Variants in LRRTM4 observed in about 807,000 individuals in gnomAD.
The protein encoded by LRRTM4 is leucine-rich repeat transmembrane neuronal protein 4.
Under a neutral mutation model 47.6 loss-of-function variants are expected in LRRTM4, and 25 were observed. The ratio of observed to expected loss-of-function variants is 0.53; its 90% CI spans 0.38 to 0.73. LRRTM4 has a LOEUF of 0.73. LRRTM4 is among the 30% of genes least tolerant of loss of function. The pLI is 0.00. For synonymous variants in LRRTM4, 311 were observed against 269.5 expected (o/e 1.15, Z -1.51); for missense variants, 638 against 713.4 (o/e 0.89, Z 1.20).
chr2:76,910,826 T>C (rs1029698489), intron 3 of LRRTM4, among the ~76,000 whole-genome samples: 1 of 152,192 alleles, frequency 6.6e-6, no homozygotes, highest in Non-Finnish European at 1.5e-5. Flanking sequence ...TTGGAATATA[T>C]CTTGATTATG....
At chr2:76,749,952 C>G (rs1672791924) in intron 3 of LRRTM4, among the ~76,000 whole-genome samples, 2 of 152,170 alleles carry the variant, frequency 1.3e-5, no homozygotes, top group South Asian at 4.1e-4. Flanking sequence ...AAACTATTGA[C>G]TCTCAGCTCT....
chr2:77,088,756 G>A (rs181991173), intron 3 of LRRTM4, among the ~76,000 whole-genome samples: 307 of 152,258 alleles, frequency 2.0e-3, no homozygotes, highest in Admixed American at 9.9e-3. Flanking sequence ...CCTTGAGAAA[G>A]ATCCACCTAC....
chr2:77,299,060 C>A (rs1677051214), intron 3 of LRRTM4, among the ~76,000 whole-genome samples: 1 of 151,976 alleles, frequency 6.6e-6, no homozygotes, highest in South Asian at 2.1e-4. Flanking sequence ...TAAAAATGTT[C>A]TATATTTAAT....
At chr2:77,312,007 G>T (rs1205035099) in intron 3 of LRRTM4, among the ~76,000 whole-genome samples, 1 of 151,856 alleles carries the variant, frequency 6.6e-6, no homozygotes, top group Non-Finnish European at 1.5e-5. Flanking sequence ...TTTCCCTTTT[G>T]TCATCCCTCA....
chr2:76,867,975 CTTA>C (rs1282869675), intron 3 of LRRTM4, among the ~76,000 whole-genome samples: 1 of 152,106 alleles, frequency 6.6e-6, no homozygotes, highest in Admixed American at 6.5e-5. Flanking sequence ...TCTATGAGAA[CTTA>C]TTATTGATTC....
chr2:76,982,757 A>G (rs1676655419), intron 3 of LRRTM4, among the ~76,000 whole-genome samples: 1 of 152,116 alleles, frequency 6.6e-6, no homozygotes, highest in Admixed American at 6.6e-5. Flanking sequence ...AATTAATAAA[A>G]GCCGATGTTA....
intron 3 of LRRTM4, among the ~76,000 whole-genome samples, chr2:76,888,700 T>C (rs1349734424): frequency 6.6e-6 from 1 of 151,838 alleles, no homozygotes; most frequent in Non-Finnish European, 1.5e-5. Flanking sequence ...GGACCACTGC[T>C]TTCGTTGCCT....
intron 3 of LRRTM4, among the ~76,000 whole-genome samples, chr2:77,427,182 T>C (rs1353939533): frequency 6.6e-6 from 1 of 152,172 alleles, no homozygotes; most frequent in Non-Finnish European, 1.5e-5. Flanking sequence ...TTTCATCATG[T>C]TGATCAGGAT....
chr2:77,270,646 C>T (rs7574040), intron 3 of LRRTM4, among the ~76,000 whole-genome samples: 7,977 of 152,228 alleles, frequency 0.052, 657 homozygotes, highest in African/African-American at 0.18. Flanking sequence ...TATCCTCACC[C>T]TCTCTTATGA....
At chr2:77,030,910 G>A (rs796086431) in intron 3 of LRRTM4, among the ~76,000 whole-genome samples, 14 of 152,176 alleles carry the variant, frequency 9.2e-5, no homozygotes, top group African/African-American at 3.4e-4. Context: ...CACTCTTCAG[G>A]TTCTAATATT....
intron 3 of LRRTM4, among the ~76,000 whole-genome samples, chr2:77,193,515 T>A (rs1673730318): frequency 6.6e-6 from 1 of 151,892 alleles, no homozygotes; most frequent in Admixed American, 6.6e-5. Context: ...TTTAACATTA[T>A]AAAATATTTT....
At chr2:77,028,219 T>C (rs990804979) in intron 3 of LRRTM4, among the ~76,000 whole-genome samples, 2 of 152,134 alleles carry the variant, frequency 1.3e-5, no homozygotes, top group Non-Finnish European at 2.9e-5. Flanking sequence ...TATCAGAACG[T>C]AGCGCATGAC....
At chr2:77,247,475 G>A (rs1675479635) in intron 3 of LRRTM4, among the ~76,000 whole-genome samples, 1 of 152,114 alleles carries the variant, frequency 6.6e-6, no homozygotes, top group Admixed American at 6.6e-5. Context: ...CTCCTAGACA[G>A]GTGCTTTAGA....
At chr2:76,763,798 C>T (rs1030450976) in intron 3 of LRRTM4, among the ~76,000 whole-genome samples, 11 of 152,132 alleles carry the variant, frequency 7.2e-5, no homozygotes, top group African/African-American at 7.2e-5. Flanking sequence ...AATTCTGGTG[C>T]GGAATCACAA....
At chr2:76,958,231 T>G (rs940893306) in intron 3 of LRRTM4, among the ~76,000 whole-genome samples, 6 of 151,758 alleles carry the variant, frequency 4.0e-5, no homozygotes, top group African/African-American at 1.2e-4. Context: ...AATGCCAAAT[T>G]TACTGTCACA....
rs183226538 is a variant in LRRTM4, at chr2:76,801,776, G to A, written c.1552-52860C>T. Among the ~76,000 whole-genome samples, 384 of 152,102 alleles carry A rather than the reference G, an allele frequency of 2.5e-3. 2 individuals are homozygous for A. The highest frequency in any genetic ancestry group is 8.8e-3 in the African/African-American group (365 of 41,502). ...GCACATTAAAAGGATCATTCACCAC[G>A]ATCAAATGAGATTTATGCCTAGGAA... is the stretch of plus-strand genomic sequence containing the variant. On this transcript the variant is annotated intron_variant, in intron 3 of 3. Transcript: ENST00000409884.
chr2:76,835,855 A>G (rs559894352), intron 3 of LRRTM4, among the ~76,000 whole-genome samples: 1 of 152,232 alleles, frequency 6.6e-6, no homozygotes, highest in South Asian at 2.1e-4. Flanking sequence ...GATTATGAAT[A>G]TGAGTGAGAA....
intron 3 of LRRTM4, among the ~76,000 whole-genome samples, chr2:77,373,374 C>A (rs1168391358): frequency 6.6e-6 from 1 of 151,296 alleles, no homozygotes; most frequent in Non-Finnish European, 1.5e-5. Flanking sequence ...CTGAAAAAAA[C>A]CATTTGTCTT....
At chr2:77,266,828 T>C (rs553628364) in intron 3 of LRRTM4, among the ~76,000 whole-genome samples, 1 of 152,042 alleles carries the variant, frequency 6.6e-6, no homozygotes, top group African/African-American at 2.4e-5. Flanking sequence ...AGGGAGTAAA[T>C]GTAAGTCAAC....
Sources: gnomAD v4.1 joint callset for allele counts (sites outside exome capture counted in the v4.1 genomes callset) on GRCh38, gnomAD v4.1.1 for gene constraint, MANE v1.5 for transcripts, NCBI Gene and HGNC (gene_info 2026-07-23, HGNC 2026-07-21) for gene names.